Variants in ANPEP observed in about 807,000 individuals in gnomAD.
ANPEP encodes aminopeptidase N.
ANPEP carries 70 observed loss-of-function variants against 114.6 expected under a neutral mutation model. That is an observed-to-expected ratio of 0.61 (90% CI 0.50 to 0.75). The LOEUF is 0.75. ANPEP is among the 30% of genes least tolerant of loss of function. The pLI is 0.00. For synonymous variants in ANPEP, 548 were observed against 522.3 expected, an observed-to-expected ratio of 1.05 and a Z score of -0.67; for missense variants, 1,184 against 1,259.5, an observed-to-expected ratio of 0.94 and a Z score of 0.91.
chr15:89,801,120 C>T lies in ANPEP; in HGVS notation c.1810G>A (p.Asp604Asn). ...GRQQQDYWLIDVRAQNDLFST... is the reference protein window; with the variant it reads ...GRQQQDYWLINVRAQNDLFST... ...GGCAGGGCTGGATTACCTCTTACAT[C>T]TATCAGCCAGTAGTCCTGCTGCTGT... Residue 604 changes from aspartate to asparagine, a missense_variant, in exon 12 of 21, where the codon GAT (aspartate) becomes AAT (asparagine). Coordinates refer to ENST00000300060, the MANE Select transcript of ANPEP (RefSeq NM_001150.3). 1.2e-6 allele frequency: 2 copies of T among 1,614,116 alleles called. No individual in the cohort carries two copies. The highest frequency in any genetic ancestry group is 8.5e-7 in the Non-Finnish European group (1 of 1,179,994).
rs1222666432 is a variant in ANPEP at position 89,803,898 on chromosome 15, G to A, written c.1284C>T (p.Thr428=). 1.9e-5 allele frequency: 31 copies of A among 1,614,082 alleles called. No individual in the cohort carries two copies. Among genetic ancestry groups the A allele is most frequent in the Non-Finnish European group, 2.6e-5 (31 of 1,180,024 alleles). The change falls in exon 7 of 21, where the codon ACC becomes ACT. Residue 428 remains threonine (T), a synonymous_variant. Transcript: ENST00000300060. This position sits in a 1 kb window ranked among gnomAD's most constrained non-coding sequence, Gnocchi z 4.2. ...TGGGCAGCTGGCTTACCAAGTTCCA[G>A]GTGGGCTCCGCATAGTCAGCACCCA... is the stretch of plus-strand genomic sequence containing the variant. ...EYLGADYAEP[T]WNLKDLMVLN...
rs1223905083 is a variant in ANPEP at position 89,801,873 on chromosome 15, AG to A, written c.1570-267del. 2.0e-5 allele frequency among the ~76,000 whole-genome samples: 3 copies of A among 152,068 alleles called. 1 individual carries two copies. Among genetic ancestry groups the A allele is most frequent in the African/African-American group, 7.2e-5 (3 of 41,388 alleles). ...CCACCCTGAGGTGTGTATGTCAGGG[AG>A]GGGGTGCCCAGGATGCCCATGGCTC... On this transcript the variant is annotated intron_variant, in intron 10 of 20. Coordinates refer to ENST00000300060, the MANE Select transcript of ANPEP (RefSeq NM_001150.3).
In ANPEP at chr15:89,801,098, A is replaced by G; in HGVS notation, c.1819+13T>C. On this transcript the variant is annotated intron_variant, in intron 12 of 20. Transcript: ENST00000300060. ...GGGTGGGGGCTGCTGCCCATAAGGC[A>G]GGGCTGGATTACCTCTTACATCTAT... The G allele has an allele frequency of 1.9e-6, 3 of 1,613,102 alleles. No individual in the cohort carries two copies. Among genetic ancestry groups the G allele is most frequent in the African/African-American group, 1.3e-5 (1 of 75,036 alleles).
At chr15:89,789,171 G>A (rs1968567839) in intron 20 of ANPEP, among the ~76,000 whole-genome samples, 1 of 151,604 alleles carries the variant, frequency 6.6e-6, no homozygotes, top group South Asian at 2.1e-4. Flanking sequence ...GTAGAGACAG[G>A]GTTTCACCAT....
intron 14 of ANPEP, among the ~76,000 whole-genome samples, chr15:89,798,315 A>T (rs2141800244): frequency 1.3e-5 from 2 of 152,290 alleles, no homozygotes; most frequent in Middle Eastern, 6.8e-3. Context: ...CACTTAGAAC[A>T]GTGGCCCAGC....
rs887669882 is a variant in ANPEP at position 89,789,061 on chromosome 15, C to T, written c.2751+1399G>A. On this transcript the variant is annotated intron_variant, in intron 20 of 20. Coordinates refer to ENST00000300060, the MANE Select transcript of ANPEP (RefSeq NM_001150.3). ...GTGGCACAATCTTGGTTCACTGCAA[C>T]CTCCGCCTCCTGGATTCAGGCAATT... Among the ~76,000 whole-genome samples the T allele has an allele frequency of 2.6e-5, 4 of 151,924 alleles. No individual in the cohort carries two copies. The East Asian group carries it at 5.8e-4, about 22-fold the overall frequency.
chr15:89,790,952 C>T lies in ANPEP; in HGVS notation c.2669+1G>A, dbSNP rs1968610480. 1.2e-6 allele frequency: 2 copies of T among 1,613,688 alleles called. No individual in the cohort carries two copies. Among genetic ancestry groups the T allele is most frequent in the African/African-American group, 1.3e-5 (1 of 74,926 alleles). ...CCCTGACACCCATTCCACAGACTCA[C>T]TCGTTAAAAAGCTTCTTCCAGTTGC... is the stretch of plus-strand genomic sequence containing the variant. On this transcript the variant is annotated splice_donor_variant, in intron 19 of 20. Transcript: ENST00000300060. LOFTEE classifies it high-confidence loss of function.
intron 20 of ANPEP, among the ~76,000 whole-genome samples, chr15:89,788,401 T>A (rs1415851569): frequency 6.6e-6 from 1 of 152,228 alleles, no homozygotes; most frequent in South Asian, 2.1e-4. Flanking sequence ...TTCCATTTTA[T>A]GAAACATCCA....
chr15:89,808,990 A>G (rs142760622), intron 1 of ANPEP, among the ~76,000 whole-genome samples: 1,896 of 152,238 alleles, frequency 0.012, 20 homozygotes, highest in Non-Finnish European at 0.018. Flanking sequence ...CATTTCCCCA[A>G]GGGGCCTTGG....
chr15:89,787,972 AGGG>A (rs2141785334), intron 20 of ANPEP, among the ~76,000 whole-genome samples: 1 of 152,362 alleles, frequency 6.6e-6, no homozygotes, highest in Admixed American at 6.5e-5. Context: ...CTAAAAAAAG[AGGG>A]AAAGAGAGAT....
At chr15:89,810,659 C>T (rs1894801571) in intron 1 of ANPEP, among the ~76,000 whole-genome samples, 3 of 152,230 alleles carry the variant, frequency 2.0e-5, no homozygotes, top group South Asian at 4.1e-4. Flanking sequence ...CAAAGGAAGG[C>T]CTGGTGGCAT....
intron 16 of ANPEP, 21 bp downstream of exon 16, chr15:89,793,014 C>A (rs773021246): frequency 4.4e-6 from 7 of 1,607,640 alleles, no homozygotes; most frequent in Non-Finnish European, 6.0e-6. Flanking sequence ...GACTTCCAAA[C>A]CCATGAGAGC....
Position 89,803,690 on chromosome 15 carries a change from G to C in ANPEP, c.1394C>G (p.Pro465Arg). The C allele has an allele frequency of 6.2e-7, 1 of 1,613,310 alleles. No individual in the cohort carries two copies. The highest frequency in any genetic ancestry group is 2.2e-5 in the East Asian group (1 of 44,858). The change falls in exon 8 of 21, where the codon CCG becomes CGG. Residue 465 changes from proline to arginine, a missense_variant. Pro to Arg is a moderately radical substitution (Grantham distance 103, BLOSUM62 -2). Coordinates refer to ENST00000300060, the MANE Select transcript of ANPEP (RefSeq NM_001150.3). The surrounding 1 kb of genome is among the most constrained non-coding windows in gnomAD (Gnocchi z 4.2). ...LSTPASEINT[P>R]AQISELFDAI... ...GTCAAACAGCTCACTGATCTGGGCC[G>C]GCGTGTTGATCTCCGAGGCGGGTGT...
intron 15 of ANPEP, 81 bp from the exon 16 acceptor site, chr15:89,793,207 G>A: frequency 8.1e-7 from 1 of 1,235,082 alleles, no homozygotes; most frequent in Admixed American, 1.8e-5. Flanking sequence ...GATGTTGGGG[G>A]GCAGGCGCTG....
intron 20 of ANPEP, among the ~76,000 whole-genome samples, chr15:89,786,426 T>C (rs1194340770): frequency 2.1e-5 from 3 of 145,744 alleles, no homozygotes; most frequent in African/African-American, 7.7e-5. Context: ...TCAGTGATCC[T>C]AAAATGCATA....
At chr15:89,801,232 A>C in intron 11 of ANPEP, 45 bp from the exon 12 acceptor site, 1 of 1,604,838 alleles carries the variant, frequency 6.2e-7, no homozygotes, top group African/African-American at 1.3e-5. Flanking sequence ...CGGTGTGGTC[A>C]CTGCCAGTGA....
At chr15:89,797,504 T>C in intron 15 of ANPEP, 71 bp downstream of exon 15, 1 of 1,536,592 alleles carries the variant, frequency 6.5e-7, no homozygotes. Context: ...AATAGTCTAT[T>C]AACTTCCTAA....
At position 89,799,362 on chromosome 15, in the gene ANPEP, C is replaced by G; in HGVS notation, c.1954-47G>C. 6 of 1,614,114 alleles carry G rather than the reference C, an allele frequency of 3.7e-6. No individual in the cohort carries two copies. The highest frequency in any genetic ancestry group is 5.1e-6 in the Non-Finnish European group (6 of 1,179,988). ...GTGACCATGGGTTGGCTGTGGGTGG[C>G]AGGCCTTGCAGTCTGGTGCCTGTCC... On this transcript the variant is annotated intron_variant, in intron 13 of 20. Transcript: ENST00000300060. This position sits in a 1 kb window ranked among gnomAD's most constrained non-coding sequence, Gnocchi z 4.2.
Position 89,791,134 on chromosome 15 carries a change from G to A in ANPEP, c.2529-41C>T, listed in dbSNP as rs376865285. The stretch of plus-strand genomic sequence containing the variant: ...GCTGTCTCAGCTACTGCTAATTCAG[G>A]TGACTCAGGAGAGAACTTGGACTGT... On this transcript the variant is annotated intron_variant, in intron 18 of 20. Coordinates refer to ENST00000300060, the MANE Select transcript of ANPEP (RefSeq NM_001150.3). 183 of 1,608,368 alleles carry A rather than the reference G, an allele frequency of 1.1e-4. No homozygotes were observed. The African/African-American group carries it at 2.1e-3, about 18-fold the overall frequency.
Sources: allele counts gnomAD v4.1 joint callset (sites outside exome capture counted in the v4.1 genomes callset), GRCh38; gene constraint gnomAD v4.1.1; non-coding constraint Gnocchi (gnomAD v3.1); transcripts MANE v1.5; gene names NCBI Gene and HGNC (gene_info 2026-07-23, HGNC 2026-07-21).